ASCC2: variants seen among roughly 807,000 people sequenced by gnomAD.
ASCC2 encodes ASC-1 complex subunit P100.
ASCC2 carries 42 observed loss-of-function variants against 93.5 expected under a neutral mutation model. That is an observed-to-expected ratio of 0.45 (90% CI 0.35 to 0.58). The LOEUF (loss-of-function observed/expected upper bound fraction) is 0.58. Among genes scored for constraint, ASCC2 ranks in the 20% least tolerant of loss-of-function variants. The probability of loss-of-function intolerance (pLI) is 0.00; values close to 1 mark genes in which losing one functional copy is unlikely to be tolerated. For synonymous variants in ASCC2, 364 were observed against 384.2 expected (o/e 0.95, Z 0.62); for missense variants, 859 against 977.6 (o/e 0.88, Z 1.62).
chr22:29,798,935 C>T (rs568491146), intron 15 of ASCC2, among the ~76,000 whole-genome samples: 1 of 152,220 alleles, frequency 6.6e-6, no homozygotes, highest in Non-Finnish European at 1.5e-5. Context: ...CCTGGGCTAC[C>T]CAGCACAGTG....
intron 14 of ASCC2, among the ~76,000 whole-genome samples, chr22:29,801,614 T>C (rs16988044): frequency 0.014 from 2,169 of 152,260 alleles, 45 homozygotes; most frequent in African/African-American, 0.048. Flanking sequence ...GTAGGTGTGA[T>C]GAAAGTGAGA....
chr22:29,832,074 A>C (rs2063220369), intron 2 of ASCC2, among the ~76,000 whole-genome samples, 171 bp downstream of exon 2: 1 of 152,118 alleles, frequency 6.6e-6, no homozygotes, highest in Non-Finnish European at 1.5e-5. Context: ...TGCTGCTCGG[A>C]AGGAAATTCC....
intron 2 of ASCC2, among the ~76,000 whole-genome samples, chr22:29,827,199 C>A (rs942274697): frequency 6.0e-5 from 9 of 150,914 alleles, no homozygotes; most frequent in African/African-American, 2.2e-4. Flanking sequence ...TAAGTCTCAG[C>A]GTAGAATCAC....
chr22:29,836,844 C>A (rs2063857533), intron 1 of ASCC2, among the ~76,000 whole-genome samples: 1 of 152,176 alleles, frequency 6.6e-6, no homozygotes, highest in Non-Finnish European at 1.5e-5. Context: ...TGAGTCACTG[C>A]CCGGCCATTC....
In ASCC2 at chr22:29,802,107, G is replaced by A. The variant is rs574299898; in HGVS notation, c.1455C>T (p.Gly485=). Residue 485 remains glycine (G), a synonymous_variant, in exon 14 of 20, where the codon GGC becomes GGT. Transcript: ENST00000307790. ...VKDLLPDLGE[G]FILACLEYYH... Reference sequence around the variant, plus strand: ...AGTACTCCAGGCAGGCCAGGATGAAGCCCTCACCAAGGTCTGGCAGCAGGT... The same window carrying A: ...AGTACTCCAGGCAGGCCAGGATGAAACCCTCACCAAGGTCTGGCAGCAGGT... 4 of 1,614,216 alleles carry A rather than the reference G, an allele frequency of 2.5e-6. No homozygotes were observed. In the South Asian group the frequency reaches 4.4e-5, roughly 18 times the overall value.
chr22:29,793,494 C>A lies in ASCC2; in HGVS notation c.1789-4G>T, dbSNP rs200305556. ...TCTCGCCTGGCTGCAGTGGCACCTGCAATGGCATAAGCATGGGTCTGGGGG... is the reference window on the plus strand; with the variant it reads ...TCTCGCCTGGCTGCAGTGGCACCTGAAATGGCATAAGCATGGGTCTGGGGG... On this transcript the variant is annotated splice_region_variant and splice_polypyrimidine_tract_variant and intron_variant, in intron 16 of 19. Coordinates refer to ENST00000307790, the MANE Select transcript of ASCC2 (RefSeq NM_032204.5). The A allele has an allele frequency of 6.2e-7, 1 of 1,614,154 alleles. No homozygotes were observed. Among genetic ancestry groups the A allele is most frequent in the South Asian group, 1.1e-5 (1 of 91,086 alleles).
chr22:29,820,913 C>CA (rs376815823), intron 5 of ASCC2, among the ~76,000 whole-genome samples: 6,085 of 69,126 alleles, frequency 0.088, 218 homozygotes, highest in Non-Finnish European at 0.12. Context: ...TCTCAATACA[C>CA]AAAAAAAAAA....
chr22:29,792,685 C>T (rs1359088896), intron 17 of ASCC2, 150 bp from the exon 18 acceptor site: 12 of 1,104,656 alleles, frequency 1.1e-5, no homozygotes, highest in Non-Finnish European at 1.4e-5. Flanking sequence ...CAGATTTGCT[C>T]CAGCCCCTGG....
chr22:29,793,088 G>T (rs539849243), intron 17 of ASCC2, among the ~76,000 whole-genome samples: 1 of 152,152 alleles, frequency 6.6e-6, no homozygotes, highest in Non-Finnish European at 1.5e-5. Context: ...GGAGGTCAAG[G>T]CTGCAGTCAG....
At chr22:29,814,031 T>C (rs2060565801) in intron 7 of ASCC2, among the ~76,000 whole-genome samples, 1 of 152,188 alleles carries the variant, frequency 6.6e-6, no homozygotes, top group Non-Finnish European at 1.5e-5. Context: ...GGATCTTTAT[T>C]TTACAGAAAA....
chr22:29,801,641 T>A (rs1221762801), intron 14 of ASCC2, among the ~76,000 whole-genome samples: 1 of 152,064 alleles, frequency 6.6e-6, no homozygotes, highest in Non-Finnish European at 1.5e-5. Context: ...GGCCATCCTC[T>A]CTCACAAATC....
chr22:29,808,050 C>A, intron 9 of ASCC2, 61 bp downstream of exon 9: 1 of 1,556,746 alleles, frequency 6.4e-7, no homozygotes, highest in Non-Finnish European at 8.9e-7. Context: ...CCAGGGAAGG[C>A]AGGGCCCTGC....
At chr22:29,820,101 A>G (rs1039929734) in intron 5 of ASCC2, among the ~76,000 whole-genome samples, 6 of 152,232 alleles carry the variant, frequency 3.9e-5, no homozygotes, top group African/African-American at 1.4e-4. Flanking sequence ...TGATCAGGAA[A>G]TAATTAGATA....
rs149385944 is a variant in ASCC2, at chr22:29,831,049, C to G, written c.81+1196G>C. Among the ~76,000 whole-genome samples, 164 of 152,276 alleles carry G rather than the reference C, an allele frequency of 1.1e-3. 1 individual carries two copies. Among genetic ancestry groups the G allele is most frequent in the African/African-American group, 3.5e-3 (146 of 41,546 alleles). ...CTGTGCTGGCACTCACCACATGGGGCTATTTTAATTTAAAAGCATTACAAT... is the reference window on the plus strand; with the variant it reads ...CTGTGCTGGCACTCACCACATGGGGGTATTTTAATTTAAAAGCATTACAAT... On this transcript the variant is annotated intron_variant, in intron 2 of 19. Transcript: ENST00000307790.
At chr22:29,826,460 T>TGC (rs1292416932) in intron 2 of ASCC2, among the ~76,000 whole-genome samples, 2 of 151,928 alleles carry the variant, frequency 1.3e-5, no homozygotes, top group East Asian at 3.9e-4. Flanking sequence ...GGACTACAGG[T>TGC]GCACACCACC....
rs1223167106 is a variant in ASCC2 at position 29,826,025 on chromosome 22, A to G, written c.82-245T>C. 3 of 418,872 alleles carry G rather than the reference A, an allele frequency of 7.2e-6. No homozygotes were observed. The Admixed American group carries it at 1.2e-4, about 17-fold the overall frequency. The allele number at this position is 418,872 out of a possible 1,614,324, so 25.9% of individuals were successfully genotyped here. A position where few individuals can be genotyped will look rare whatever the true frequency, so the allele number is the denominator to read the frequency against. On this transcript the variant is annotated intron_variant, in intron 2 of 19. Coordinates refer to ENST00000307790, the MANE Select transcript of ASCC2 (RefSeq NM_032204.5). ...CACGGGGAAAGGTTAAGGGAAGAGA[A>G]AGCAGGATACAAAACTCTCTGTTTA...
intron 8 of ASCC2, among the ~76,000 whole-genome samples, chr22:29,809,141 A>ATT (rs1556206415): frequency 7.1e-6 from 1 of 141,688 alleles, no homozygotes; most frequent in Non-Finnish European, 1.5e-5. Flanking sequence ...AAAAAAAAAA[A>ATT]TTTAACATGA....
intron 19 of ASCC2, 82 bp from the exon 20 acceptor site, chr22:29,789,266 T>TCCTC: frequency 6.5e-7 from 1 of 1,535,240 alleles, no homozygotes; most frequent in Non-Finnish European, 9.0e-7. Flanking sequence ...TGCCTTGGTG[T>TCCTC]TCACTGGGAG....
chr22:29,801,190 T>A, intron 14 of ASCC2, 80 bp from the exon 15 acceptor site: 1 of 1,476,364 alleles, frequency 6.8e-7, no homozygotes, highest in Non-Finnish European at 9.1e-7. Context: ...CCTGCTGTAT[T>A]AAATCCATCG....
Sources: allele counts gnomAD v4.1 joint callset (sites outside exome capture counted in the v4.1 genomes callset), GRCh38; gene constraint gnomAD v4.1.1; transcripts MANE v1.5; gene names NCBI Gene and HGNC (gene_info 2026-07-23, HGNC 2026-07-21).